CTNNA3: variants seen among roughly 807,000 people sequenced by gnomAD.
CTNNA3 encodes the protein catenin alpha-3.
A neutral mutation model predicts 95.7 loss-of-function variants in CTNNA3; 76 were observed. The observed-to-expected ratio is 0.79, with a 90% CI of 0.66 to 0.96. The LOEUF is 0.96. Among genes scored for constraint, CTNNA3 ranks in the 40% least tolerant of loss-of-function variants. The probability of loss-of-function intolerance (pLI) is 0.00; values close to 1 mark genes in which losing one functional copy is unlikely to be tolerated. For missense variants in CTNNA3, 1,191 were observed against 1,089.8 expected (o/e 1.09, Z -1.31); for synonymous variants, 431 against 374.4 (o/e 1.15, Z -1.74).
intron 15 of CTNNA3, among the ~76,000 whole-genome samples, chr10:66,006,008 C>G (rs961003390): frequency 2.2e-4 from 29 of 129,770 alleles, no homozygotes; most frequent in Non-Finnish European, 1.8e-4. Context: ...ACAAGGAAAG[C>G]CTTTTTTTTT....
At chr10:66,650,268 T>C (rs1047133817) in intron 9 of CTNNA3, among the ~76,000 whole-genome samples, 7 of 152,158 alleles carry the variant, frequency 4.6e-5, no homozygotes, top group African/African-American at 1.4e-4. Flanking sequence ...CACAGAAATA[T>C]TGGCAAAACA....
Position 67,742,572 on chromosome 10 carries a change from T to C in CTNNA3, c.-2+20862A>G, listed in dbSNP as rs542528432. Among the ~76,000 whole-genome samples the C allele has an allele frequency of 2.7e-4, 41 of 151,026 alleles. 1 individual carries two copies. Among genetic ancestry groups the C allele is most frequent in the Middle Eastern group, 3.5e-3 (1 of 288 alleles). ...CAGGAAAGATCTAAAATTGACACCC[T>C]AACATCACAATTAAAAGAGCTAGAA... is the stretch of plus-strand genomic sequence containing the variant. On this transcript the variant is annotated intron_variant, in intron 1 of 17. Transcript: ENST00000684154.
At chr10:66,361,168 T>G (rs971420310) in intron 12 of CTNNA3, among the ~76,000 whole-genome samples, 3 of 150,564 alleles carry the variant, frequency 2.0e-5, no homozygotes, top group Non-Finnish European at 3.0e-5. Context: ...GAGGTCTCAC[T>G]ATGCTGCCCA....
At chr10:66,056,426 G>A (rs1052429186) in intron 15 of CTNNA3, among the ~76,000 whole-genome samples, 1 of 152,110 alleles carries the variant, frequency 6.6e-6, no homozygotes, top group East Asian at 1.9e-4. Context: ...TGTGAATTCT[G>A]TTTGCTAGTA....
chr10:66,280,670 A>AT, intron 12 of CTNNA3, 49 bp from the exon 13 acceptor site: 1 of 1,440,582 alleles, frequency 6.9e-7, no homozygotes. Flanking sequence ...GTATTTTTGG[A>AT]TTTATACAGT....
At chr10:66,368,771 T>C (rs1012238293) in intron 12 of CTNNA3, among the ~76,000 whole-genome samples, 2 of 152,130 alleles carry the variant, frequency 1.3e-5, no homozygotes, top group African/African-American at 4.8e-5. Flanking sequence ...ACTTACTTCT[T>C]CTTCCCTCAA....
intron 7 of CTNNA3, among the ~76,000 whole-genome samples, chr10:66,796,224 T>A (rs975588458): frequency 1.1e-4 from 17 of 152,116 alleles, no homozygotes; most frequent in African/African-American, 3.6e-4. Context: ...TAGCTTTTGA[T>A]TTAAAGAAAC....
chr10:67,692,085 G>A (rs1326642708), intron 1 of CTNNA3, among the ~76,000 whole-genome samples: 23 of 143,706 alleles, frequency 1.6e-4, no homozygotes, highest in Middle Eastern at 3.9e-3. Context: ...TCAGCCCCCC[G>A]CCCGGCCAGC....
At chr10:66,356,074 G>A (rs1385477671) in intron 12 of CTNNA3, among the ~76,000 whole-genome samples, 2 of 147,848 alleles carry the variant, frequency 1.4e-5, no homozygotes, top group Non-Finnish European at 3.0e-5. Flanking sequence ...TATAGTGCAA[G>A]TCTCAAAATC....
intron 7 of CTNNA3, among the ~76,000 whole-genome samples, chr10:66,913,790 A>G (rs1846344265): frequency 6.6e-6 from 1 of 152,166 alleles, no homozygotes; most frequent in South Asian, 2.1e-4. Flanking sequence ...CAATCAAAAG[A>G]CTACCCCATC....
At chr10:66,654,618 G>A (rs1054533559) in intron 9 of CTNNA3, among the ~76,000 whole-genome samples, 1 of 152,020 alleles carries the variant, frequency 6.6e-6, no homozygotes, top group Non-Finnish European at 1.5e-5. Context: ...TGTCCAAATG[G>A]TATGAAATTA....
chr10:66,843,981 A>G (rs1241548110), intron 7 of CTNNA3, among the ~76,000 whole-genome samples: 2 of 152,230 alleles, frequency 1.3e-5, no homozygotes, highest in African/African-American at 4.8e-5. Flanking sequence ...TTATTGGAGA[A>G]CAATAATATC....
At chr10:66,360,360 A>G (rs962935085) in intron 12 of CTNNA3, among the ~76,000 whole-genome samples, 16 of 152,168 alleles carry the variant, frequency 1.1e-4, no homozygotes, top group Non-Finnish European at 2.1e-4. Flanking sequence ...TCTTCATTGT[A>G]GGAAAGGCAA....
chr10:66,565,521 T>C (rs895891448), intron 10 of CTNNA3, among the ~76,000 whole-genome samples: 1 of 151,938 alleles, frequency 6.6e-6, no homozygotes, highest in African/African-American at 2.4e-5. Context: ...ATAGGGGAAA[T>C]ATAATTAAAC....
intron 5 of CTNNA3, among the ~76,000 whole-genome samples, chr10:67,322,826 T>G (rs1320057771): frequency 6.6e-6 from 1 of 152,072 alleles, no homozygotes; most frequent in Non-Finnish European, 1.5e-5. Context: ...TCAAACTAAT[T>G]TATCCCACAA....
At chr10:67,758,775 A>T (rs1206295218) in intron 1 of CTNNA3, among the ~76,000 whole-genome samples, 1 of 3,438 alleles carries the variant, frequency 2.9e-4, no homozygotes, top group East Asian at 0.17. Context: ...ATTTGGTTTA[A>T]AAAAAAATAG....
chr10:67,662,180 G>C (rs113318288), intron 1 of CTNNA3, among the ~76,000 whole-genome samples: 27 of 152,224 alleles, frequency 1.8e-4, no homozygotes, highest in African/African-American at 6.0e-4. Flanking sequence ...ACCTGGGATA[G>C]TACCAAACCC....
chr10:66,756,626 T>C (rs1222916100), intron 9 of CTNNA3, among the ~76,000 whole-genome samples: 3 of 152,008 alleles, frequency 2.0e-5, no homozygotes, highest in Non-Finnish European at 4.4e-5. Context: ...CTAACATTGC[T>C]TGCAAGCAGC....
At chr10:67,592,468 G>A (rs1363167332) in intron 3 of CTNNA3, among the ~76,000 whole-genome samples, 1 of 151,764 alleles carries the variant, frequency 6.6e-6, no homozygotes, top group African/African-American at 2.4e-5. Context: ...CCGAACTATG[G>A]GAGCAAAAAA....
Sources: allele counts gnomAD v4.1 joint callset (sites outside exome capture counted in the v4.1 genomes callset), GRCh38; gene constraint gnomAD v4.1.1; transcripts MANE v1.5; gene names NCBI Gene and HGNC (gene_info 2026-07-23, HGNC 2026-07-21).